The following DAB1 variants were observed in gnomAD, a reference collection of about 807,000 sequenced individuals.
The protein encoded by DAB1 is DAB adaptor protein 1.
A neutral mutation model predicts 64.6 loss-of-function variants in DAB1; 15 were observed. The observed-to-expected ratio is 0.23, with a 90% CI of 0.16 to 0.36. The LOEUF (loss-of-function observed/expected upper bound fraction) is 0.36. Ranked by LOEUF, DAB1 falls within the 10% of genes least tolerant of loss-of-function variation. DAB1 has a pLI of 1.00. For synonymous variants in DAB1, 235 were observed against 251.9 expected (o/e 0.93, Z 0.64); for missense variants, 596 against 706.7 (o/e 0.84, Z 1.78).
intron 4 of DAB1, among the ~76,000 whole-genome samples, chr1:58,313,594 AG>A (rs1342165972): frequency 1.3e-5 from 2 of 152,146 alleles, no homozygotes; most frequent in Non-Finnish European, 2.9e-5. Context: ...AACAGGATGA[AG>A]AATAGAAAAC....
intron 2 of DAB1, among the ~76,000 whole-genome samples, chr1:57,250,290 C>A (rs1490950010): frequency 6.6e-6 from 1 of 152,160 alleles, no homozygotes. Flanking sequence ...TGCTGTACGC[C>A]AATCTGTCTA....
At chr1:57,836,547 C>T (rs1251529471) in intron 1 of DAB1, among the ~76,000 whole-genome samples, 1 of 152,196 alleles carries the variant, frequency 6.6e-6, no homozygotes, top group African/African-American at 2.4e-5. Flanking sequence ...TGGAGGGAAC[C>T]AGGGGCTGAC....
intron 4 of DAB1, among the ~76,000 whole-genome samples, chr1:58,284,683 C>T (rs916247174): frequency 1.3e-5 from 2 of 152,224 alleles, no homozygotes; most frequent in Non-Finnish European, 2.9e-5. Context: ...ATCTCCACAG[C>T]CTATCTTAGA....
chr1:57,246,481 T>A (rs1165062737), intron 2 of DAB1, among the ~76,000 whole-genome samples: 1 of 152,200 alleles, frequency 6.6e-6, no homozygotes, highest in Non-Finnish European at 1.5e-5. Flanking sequence ...TGTATAGAAA[T>A]GCCTGGATGT....
chr1:58,529,023 A>G (rs1200447548), intron 1 of DAB1, among the ~76,000 whole-genome samples: 1 of 152,208 alleles, frequency 6.6e-6, no homozygotes, highest in Non-Finnish European at 1.5e-5. Flanking sequence ...TAGATAGATC[A>G]GGAAAATAAC....
At chr1:58,037,863 T>C (rs1647069739) in intron 5 of DAB1, among the ~76,000 whole-genome samples, 2 of 152,120 alleles carry the variant, frequency 1.3e-5, no homozygotes, top group Non-Finnish European at 2.9e-5. Context: ...TCAGTCTCAG[T>C]TTCAGGGTCA....
rs189073541 is a variant in DAB1 at position 57,741,781 on chromosome 1, G to A, written n.552-92116C>T. Among the ~76,000 whole-genome samples, 17 of 152,312 alleles carry A rather than the reference G, an allele frequency of 1.1e-4. No homozygotes were observed. In the East Asian group the frequency reaches 2.7e-3, roughly 24 times the overall value. On this transcript the variant is annotated intron_variant and non_coding_transcript_variant, in intron 6 of 20. Transcript: ENST00000485760. ...CTGTAGTGATGTTTCAGTCTTGCAC[G>A]AGCTCAGCTGGACAAGGTTAATTAG... is the stretch of plus-strand genomic sequence containing the variant.
chr1:58,045,062 A>G (rs533723767), intron 5 of DAB1, among the ~76,000 whole-genome samples: 1 of 152,344 alleles, frequency 6.6e-6, no homozygotes, highest in East Asian at 1.9e-4. Context: ...TGGAATCTAT[A>G]TAAATATTAT....
intron 5 of DAB1, among the ~76,000 whole-genome samples, chr1:57,958,289 T>C (rs1645439154): frequency 6.6e-6 from 1 of 152,192 alleles, no homozygotes; most frequent in African/African-American, 2.4e-5. Flanking sequence ...GATGTGCTTT[T>C]TAAAAATCAT....
At chr1:57,554,477 T>C (rs1313583807) in intron 7 of DAB1, among the ~76,000 whole-genome samples, 3 of 152,154 alleles carry the variant, frequency 2.0e-5, no homozygotes, top group Non-Finnish European at 2.9e-5. Flanking sequence ...CTAACTTGTT[T>C]GTGTTGTTTT....
chr1:58,474,350 T>C (rs773102225), intron 3 of DAB1, among the ~76,000 whole-genome samples: 8 of 152,136 alleles, frequency 5.3e-5, no homozygotes, highest in Admixed American at 3.9e-4. Context: ...TCCTAAACTA[T>C]AGGTTTGTGC....
intron 6 of DAB1, among the ~76,000 whole-genome samples, chr1:57,782,573 T>G (rs1292389137): frequency 6.6e-6 from 1 of 152,192 alleles, no homozygotes; most frequent in Non-Finnish European, 1.5e-5. Flanking sequence ...AATCAGCATT[T>G]ATATCTTCTA....
intron 2 of DAB1, among the ~76,000 whole-genome samples, chr1:58,509,378 A>G (rs1470475756): frequency 1.3e-5 from 2 of 152,022 alleles, no homozygotes; most frequent in African/African-American, 4.8e-5. Context: ...GCACACTCCT[A>G]AACAACATAC....
chr1:57,117,533 G>A (rs989596392), intron 4 of DAB1, among the ~76,000 whole-genome samples: 6 of 152,096 alleles, frequency 3.9e-5, no homozygotes, highest in African/African-American at 1.2e-4. Flanking sequence ...CATTTTTGAG[G>A]CAACTAGCAG....
At chr1:57,069,658 G>A (rs192170437) in intron 7 of DAB1, among the ~76,000 whole-genome samples, 9 of 152,250 alleles carry the variant, frequency 5.9e-5, no homozygotes, top group East Asian at 1.9e-4. Flanking sequence ...TGATTGCATC[G>A]AGCCTCTGCA....
At chr1:57,877,343 G>GT (rs1644063277) in intron 1 of DAB1, among the ~76,000 whole-genome samples, 1 of 152,022 alleles carries the variant, frequency 6.6e-6, no homozygotes, top group Admixed American at 6.6e-5. Flanking sequence ...CTGAGTTTGC[G>GT]TAAGTCTTGA....
intron 3 of DAB1, among the ~76,000 whole-genome samples, chr1:58,463,448 C>T (rs1247885915): frequency 6.6e-6 from 1 of 152,164 alleles, no homozygotes; most frequent in African/African-American, 2.4e-5. Context: ...GTGTGTGGCA[C>T]CCTGGGGAGA....
chr1:58,405,398 T>C (rs1569734791), intron 3 of DAB1, among the ~76,000 whole-genome samples: 1 of 152,108 alleles, frequency 6.6e-6, no homozygotes, highest in Non-Finnish European at 1.5e-5. Context: ...TTTTTTGATC[T>C]TGTGTTACCC....
chr1:57,329,461 C>A (rs1331028297), intron 1 of DAB1, among the ~76,000 whole-genome samples: 1 of 152,038 alleles, frequency 6.6e-6, no homozygotes, highest in African/African-American at 2.4e-5. Flanking sequence ...TTCTCCCTTT[C>A]CAGTGTTGCC....
Sources: allele counts gnomAD v4.1 joint callset (sites outside exome capture counted in the v4.1 genomes callset), GRCh38; gene constraint gnomAD v4.1.1; transcripts MANE v1.5; gene names NCBI Gene and HGNC (gene_info 2026-07-23, HGNC 2026-07-21).